PCED1B: variants seen among roughly 807,000 people sequenced by gnomAD.
PCED1B encodes the protein PC-esterase domain containing 1B.
For synonymous variants in PCED1B, 251 were observed against 246.1 expected (o/e 1.02, Z -0.19); for missense variants, 573 against 573.9 (o/e 1.00, Z 0.02).
intron 2 of PCED1B, among the ~76,000 whole-genome samples, chr12:47,178,736 GAGCACCTGTAATCCC>G (rs1406679234): frequency 6.6e-6 from 1 of 151,816 alleles, no homozygotes; most frequent in Admixed American, 6.6e-5. Flanking sequence ...GCATGGTGGT[GAGCACCTGTAATCCC>G]AGCTACTCAG....
In PCED1B at chr12:47,146,209, A is replaced by G. The variant is rs545790001; in HGVS notation, c.-526+42014A>G. Among the ~76,000 whole-genome samples the G allele has an allele frequency of 4.6e-5, 7 of 152,334 alleles. No homozygotes were observed. The East Asian group carries it at 1.3e-3, about 29-fold the overall frequency. On this transcript the variant is annotated intron_variant, in intron 2 of 3. Transcript: ENST00000546455. ...GAAGCGGAGACTGAAGATGTGATTG[A>G]TTGCTGCAATCTCATGATAAAACTT...
intron 2 of PCED1B, among the ~76,000 whole-genome samples, chr12:47,112,696 C>A (rs1440132626): frequency 6.6e-6 from 1 of 152,222 alleles, no homozygotes; most frequent in Non-Finnish European, 1.5e-5. Flanking sequence ...CTTAAAAACT[C>A]TGTAAGGTCA....
At chr12:47,110,201 T>TA (rs1267868364) in intron 2 of PCED1B, among the ~76,000 whole-genome samples, 1 of 152,036 alleles carries the variant, frequency 6.6e-6, no homozygotes, top group Non-Finnish European at 1.5e-5. Flanking sequence ...AAGTGAGGGG[T>TA]AAAATGAATG....
At chr12:47,142,980 A>G (rs1940652350) in intron 2 of PCED1B, among the ~76,000 whole-genome samples, 2 of 152,328 alleles carry the variant, frequency 1.3e-5, no homozygotes, top group South Asian at 2.1e-4. Flanking sequence ...GATCATTTCA[A>G]TAGAAGCAGA....
chr12:47,190,818 T>C (rs895064120), intron 2 of PCED1B, among the ~76,000 whole-genome samples: 2 of 152,200 alleles, frequency 1.3e-5, no homozygotes, highest in Non-Finnish European at 2.9e-5. Context: ...GAGGCACCTC[T>C]CAAACCCCAC....
intron 1 of PCED1B, among the ~76,000 whole-genome samples, chr12:47,100,838 G>T (rs1055567306): frequency 6.6e-6 from 1 of 152,090 alleles, no homozygotes; most frequent in Non-Finnish European, 1.5e-5. Flanking sequence ...GAGGCCGAGG[G>T]GGGCAGATCA....
intron 2 of PCED1B, chr12:47,206,144 G>A (rs1942905573): frequency 6.6e-6 from 1 of 152,160 alleles, no homozygotes; most frequent in African/African-American, 2.4e-5. Context: ...CACATGCAGG[G>A]TCTGCAAAAT....
chr12:47,135,183 A>G (rs1940301303), intron 2 of PCED1B, among the ~76,000 whole-genome samples: 1 of 152,270 alleles, frequency 6.6e-6, no homozygotes, highest in African/African-American at 2.4e-5. Context: ...AACTTCCATC[A>G]CTATATTCCT....
At position 47,089,536 on chromosome 12, in the gene PCED1B, C is replaced by G. The variant is rs1209995521; in HGVS notation, c.-609+9811C>G. ...TACCTACCTATCTGGCATTTATTCTCTGGCTGCAAGAGAGCTTTGGGAAGC... is the reference window on the plus strand; with the variant it reads ...TACCTACCTATCTGGCATTTATTCTGTGGCTGCAAGAGAGCTTTGGGAAGC... On this transcript the variant is annotated intron_variant, in intron 1 of 3. Coordinates refer to ENST00000546455, the MANE Select transcript of PCED1B (RefSeq NM_138371.3). Among the ~76,000 whole-genome samples, 5 of 143,224 alleles carry G rather than the reference C, an allele frequency of 3.5e-5. No individual in the cohort carries two copies. In the East Asian group the frequency reaches 1.0e-3, roughly 29 times the overall value. The allele number at this position is 143,224 out of a possible 152,430, so 94.0% of individuals were successfully genotyped here.
intron 2 of PCED1B, among the ~76,000 whole-genome samples, chr12:47,162,048 G>A (rs984902703): frequency 6.6e-6 from 1 of 151,310 alleles, no homozygotes; most frequent in Non-Finnish European, 1.5e-5. Context: ...TCACTCATAG[G>A]TTGGAATTGA....
intron 2 of PCED1B, among the ~76,000 whole-genome samples, chr12:47,147,833 C>T (rs1281590633): frequency 6.6e-6 from 1 of 152,196 alleles, no homozygotes; most frequent in Admixed American, 6.5e-5. Context: ...TAGGCTTTTT[C>T]TGGCCTGCCC....
rs148820474 is a variant in PCED1B, at chr12:47,157,101, C to G, written c.-526+52906C>G. On this transcript the variant is annotated intron_variant, in intron 2 of 3. Transcript: ENST00000546455. ...TTCAGGACCTAACAAACATCAGGTA[C>G]ACAGAGAGCATTTCCTCATTGTCTA... Among the ~76,000 whole-genome samples, 352 of 152,222 alleles carry G rather than the reference C, an allele frequency of 2.3e-3. 1 individual carries two copies. The highest frequency in any genetic ancestry group is 7.4e-3 in the African/African-American group (306 of 41,534).
At chr12:47,106,567 C>T (rs1323763995) in intron 2 of PCED1B, among the ~76,000 whole-genome samples, 1 of 152,118 alleles carries the variant, frequency 6.6e-6, no homozygotes, top group Non-Finnish European at 1.5e-5. Context: ...ACCTGCCTTG[C>T]CCATGATGTC....
intron 2 of PCED1B, among the ~76,000 whole-genome samples, chr12:47,212,016 A>G (rs935090533): frequency 2.7e-5 from 4 of 147,452 alleles, no homozygotes; most frequent in African/African-American, 7.5e-5. Flanking sequence ...CGGAGCTTGC[A>G]GTGAGCCGAG....
chr12:47,187,154 T>C (rs1005558367), intron 2 of PCED1B, among the ~76,000 whole-genome samples: 1 of 152,162 alleles, frequency 6.6e-6, no homozygotes, highest in African/African-American at 2.4e-5. Context: ...GAGATTCATC[T>C]CAAAACAGAT....
chr12:47,167,130 G>T (rs1362247951), intron 2 of PCED1B, among the ~76,000 whole-genome samples: 1 of 152,070 alleles, frequency 6.6e-6, no homozygotes, highest in Non-Finnish European at 1.5e-5. Flanking sequence ...TAAGGGAAAA[G>T]GAGATATCTT....
intron 2 of PCED1B, among the ~76,000 whole-genome samples, chr12:47,193,487 A>G (rs1260916262): frequency 6.6e-6 from 1 of 152,132 alleles, no homozygotes; most frequent in Non-Finnish European, 1.5e-5. Flanking sequence ...GGTAATTCAG[A>G]TTACTGCCTT....
At chr12:47,173,083 C>T (rs1941803534) in intron 2 of PCED1B, among the ~76,000 whole-genome samples, 1 of 152,122 alleles carries the variant, frequency 6.6e-6, no homozygotes, top group African/African-American at 2.4e-5. Flanking sequence ...TCAGAGCAGC[C>T]ATGTAGGAGA....
intron 2 of PCED1B, among the ~76,000 whole-genome samples, chr12:47,191,918 C>T (rs1346648739): frequency 6.6e-6 from 1 of 151,778 alleles, no homozygotes; most frequent in Non-Finnish European, 1.5e-5. Context: ...ACATCATTTT[C>T]TTTAGATACT....
Sources: gnomAD v4.1 joint callset for allele counts (sites outside exome capture counted in the v4.1 genomes callset) on GRCh38, gnomAD v4.1.1 for gene constraint, MANE v1.5 for transcripts, NCBI Gene and HGNC (gene_info 2026-07-23, HGNC 2026-07-21) for gene names.